The following CASZ1 variants were observed in gnomAD, a reference collection of about 807,000 sequenced individuals.
CASZ1 encodes the protein castor zinc finger 1, also known as zinc finger protein castor homolog 1.
CASZ1 carries 28 observed loss-of-function variants against 135.2 expected under a neutral mutation model. That is an observed-to-expected ratio of 0.21 (90% CI 0.15 to 0.28). The LOEUF (loss-of-function observed/expected upper bound fraction) is 0.28. CASZ1 is among the 10% of genes least tolerant of loss of function. The probability of loss-of-function intolerance (pLI) is 1.00; values close to 1 mark genes in which losing one functional copy is unlikely to be tolerated. For synonymous variants in CASZ1, 1,068 were observed against 1,073.4 expected (o/e 0.99, Z 0.10); for missense variants, 2,161 against 2,453.3 (o/e 0.88, Z 2.52).
chr1:10,651,093 G>T lies in CASZ1; in HGVS notation c.2681-17C>A. The T allele has an allele frequency of 6.7e-7, 1 of 1,489,722 alleles. No homozygotes were observed. The highest frequency in any genetic ancestry group is 8.9e-7 in the Non-Finnish European group (1 of 1,129,756). 92.3% of individuals were successfully genotyped at this position (1,489,722 alleles called of 1,614,324 possible). On this transcript the variant is annotated splice_polypyrimidine_tract_variant and intron_variant, in intron 11 of 20. Coordinates refer to ENST00000377022, the MANE Select transcript of CASZ1 (RefSeq NM_001079843.3). ...GCCCGCTTCCTGCAGGGGAGGGGTGGGAAGATGCGTCAGAGGGGCTGAAGG... is the reference window on the plus strand; with the variant it reads ...GCCCGCTTCCTGCAGGGGAGGGGTGTGAAGATGCGTCAGAGGGGCTGAAGG...
chr1:10,747,774 T>C lies in CASZ1; in HGVS notation c.-77+12927A>G, dbSNP rs934861309. ...CTAGCTCCCCCTCCAGAATGAGCAA[T>C]CACTGGGAGAGGGTACACAGTACAC... is the stretch of plus-strand genomic sequence containing the variant. On this transcript the variant is annotated intron_variant, in intron 2 of 20. Transcript: ENST00000377022. The surrounding 1 kb of genome is among the most constrained non-coding windows in gnomAD (Gnocchi z 4.3). Among the ~76,000 whole-genome samples the C allele has an allele frequency of 6.6e-6, 1 of 150,938 alleles. No individual in the cohort carries two copies. Among genetic ancestry groups the C allele is most frequent in the Admixed American group, 6.6e-5 (1 of 15,184 alleles).
At chr1:10,769,810 C>T (rs1333830993) in intron 1 of CASZ1, among the ~76,000 whole-genome samples, 3 of 152,188 alleles carry the variant, frequency 2.0e-5, no homozygotes, top group South Asian at 2.1e-4. Flanking sequence ...AGCCGCCACA[C>T]CTGGCCAGAA....
In CASZ1 at chr1:10,727,006, T is replaced by C. The variant is rs762363794; in HGVS notation, c.-76-21462A>G. 3.4e-4 allele frequency among the ~76,000 whole-genome samples: 51 copies of C among 151,928 alleles called. No homozygotes were observed. Among genetic ancestry groups the C allele is most frequent in the Non-Finnish European group, 5.9e-5 (4 of 67,960 alleles). ...CGGAGGGGAGGGAGACCGGGAGAGG[T>C]GACTGGCAAGGTTTTCACTTTACCC... is the stretch of plus-strand genomic sequence containing the variant. On this transcript the variant is annotated intron_variant, in intron 2 of 20. Transcript: ENST00000377022. This position sits in a 1 kb window ranked among gnomAD's most constrained non-coding sequence, Gnocchi z 5.3.
intron 18 of CASZ1, among the ~76,000 whole-genome samples, chr1:10,644,701 G>A (rs992999638): frequency 2.0e-5 from 3 of 152,224 alleles, no homozygotes; most frequent in African/African-American, 7.2e-5. Flanking sequence ...GGTGCCCTGC[G>A]TGAGTCACCC....
At chr1:10,730,214 A>G (rs891819431) in intron 2 of CASZ1, among the ~76,000 whole-genome samples, 2 of 151,762 alleles carry the variant, frequency 1.3e-5, no homozygotes, top group African/African-American at 4.8e-5. Context: ...AGGTTCAAGC[A>G]ATTCTTCTGC....
Position 10,695,029 on chromosome 1 carries a change from C to T in CASZ1, c.-23-1117G>A, listed in dbSNP as rs1478591777. Among the ~76,000 whole-genome samples, 7 of 149,788 alleles carry T rather than the reference C, an allele frequency of 4.7e-5. 1 individual carries two copies. ...CGCGAGGGCGGGCGCAGGTGTGAGG[C>T]GCCGCGGGGCCGCGCCCGCCAGGCC... On this transcript the variant is annotated intron_variant, in intron 3 of 20. Coordinates refer to ENST00000377022, the MANE Select transcript of CASZ1 (RefSeq NM_001079843.3).
Position 10,665,445 on chromosome 1 carries a change from GCTC to G in CASZ1, c.140_142del (p.Arg47_Ala48delinsPro). On this transcript the variant is annotated inframe_deletion, in exon 5 of 21. Coordinates refer to ENST00000377022, the MANE Select transcript of CASZ1 (RefSeq NM_001079843.3). ...GCCCTCCGTGTGGGAGCCGGCGTCAGCTCGCTTCTCCACCACCACCTGGCGGCT... is the reference window on the plus strand; with the variant it reads ...GCCCTCCGTGTGGGAGCCGGCGTCAGGCTTCTCCACCACCACCTGGCGGCT... The G allele has an allele frequency of 6.2e-7, 1 of 1,610,796 alleles. No homozygotes were observed. Among genetic ancestry groups the G allele is most frequent in the Non-Finnish European group, 8.5e-7 (1 of 1,179,792 alleles).
chr1:10,650,852 C>A (rs573276817), intron 12 of CASZ1, 89 bp downstream of exon 12: 5 of 1,603,084 alleles, frequency 3.1e-6, no homozygotes, highest in Non-Finnish European at 4.3e-6. Context: ...CAGCCGAGCC[C>A]GCTGCAACTG....
In CASZ1 at chr1:10,756,539, C is replaced by A. The variant is rs1168140845; in HGVS notation, c.-77+4162G>T. ...GGCAGTGCCCAGGGCGGCATGGGGC[C>A]TGTCCAGGGGCGCTGGGGATCACTG... is the stretch of plus-strand genomic sequence containing the variant. On this transcript the variant is annotated intron_variant, in intron 2 of 20. Transcript: ENST00000377022. The surrounding 1 kb of genome is among the most constrained non-coding windows in gnomAD (Gnocchi z 5.9). Among the ~76,000 whole-genome samples, 2 of 152,244 alleles carry A rather than the reference C, an allele frequency of 1.3e-5. No individual in the cohort carries two copies. The highest frequency in any genetic ancestry group is 2.9e-5 in the Non-Finnish European group (2 of 68,038).
intron 2 of CASZ1, among the ~76,000 whole-genome samples, chr1:10,748,957 G>A (rs408828): frequency 6.6e-6 from 1 of 152,156 alleles, no homozygotes; most frequent in Non-Finnish European, 1.5e-5. Flanking sequence ...CCCCCAACTC[G>A]CTTCTGTCTT....
chr1:10,718,039 T>C (rs1013019911), intron 2 of CASZ1, among the ~76,000 whole-genome samples: 1 of 152,222 alleles, frequency 6.6e-6, no homozygotes, highest in Non-Finnish European at 1.5e-5. Context: ...CACACATCCC[T>C]GGGAGGTGGG....
In CASZ1 at chr1:10,701,894, C is replaced by T. The variant is rs187207517; in HGVS notation, c.-24+3598G>A. ...TTCCTGCCAGCCTGACAAGCCAGGC[C>T]TCAGTTTCTCCACCTCCCCCGGCCC... On this transcript the variant is annotated intron_variant, in intron 3 of 20. Transcript: ENST00000377022. The surrounding 1 kb of genome is among the most constrained non-coding windows in gnomAD (Gnocchi z 6.3). Among the ~76,000 whole-genome samples the T allele has an allele frequency of 7.0e-4, 106 of 152,282 alleles. 1 individual carries two copies. Among genetic ancestry groups the T allele is most frequent in the African/African-American group, 2.3e-3 (97 of 41,570 alleles).
At chr1:10,738,788 A>G (rs1639853235) in intron 2 of CASZ1, among the ~76,000 whole-genome samples, 1 of 152,180 alleles carries the variant, frequency 6.6e-6, no homozygotes, top group Non-Finnish European at 1.5e-5. Flanking sequence ...TCTCTCTTCC[A>G]CCATTTCAGT....
chr1:10,659,719 C>A lies in CASZ1; in HGVS notation c.1323G>T (p.Gly441=). ...TFSKTDSITT[G]TVSTVKNGLP... is the part of the protein sequence containing the mutation. ...CGCCTTACTTGACAGTGGAGACGGT[C>A]CCCGTGGTGATGGAGTCTGTTTTGG... is the stretch of plus-strand genomic sequence containing the variant. The change falls in exon 6 of 21, where the codon GGG becomes GGT. Residue 441 remains glycine, a synonymous_variant. Coordinates refer to ENST00000377022, the MANE Select transcript of CASZ1 (RefSeq NM_001079843.3). 6.2e-7 allele frequency: 1 copy of A among 1,613,804 alleles called. No homozygotes were observed. The highest frequency in any genetic ancestry group is 8.5e-7 in the Non-Finnish European group (1 of 1,179,754).
chr1:10,693,766 G>T, intron 4 of CASZ1, 108 bp downstream of exon 4: 2 of 740,212 alleles, frequency 2.7e-6, no homozygotes, highest in African/African-American at 1.8e-5. Context: ...GACCCTCCCG[G>T]CCCCCACCCG....
rs1223679348 is a variant in CASZ1, at chr1:10,735,923, C to T, written c.-77+24778G>A. 6.6e-6 allele frequency among the ~76,000 whole-genome samples: 1 copy of T among 152,152 alleles called. No homozygotes were observed. On this transcript the variant is annotated intron_variant, in intron 2 of 20. Coordinates refer to ENST00000377022, the MANE Select transcript of CASZ1 (RefSeq NM_001079843.3). The surrounding 1 kb of genome is among the most constrained non-coding windows in gnomAD (Gnocchi z 5.1). ...TTTTCAGCCAGCTCTGGTCAAGTAG[C>T]TGCCCTGCGGACACCACTCTCTCCT... is the stretch of plus-strand genomic sequence containing the variant.
At chr1:10,668,775 G>A (rs1643315270) in intron 4 of CASZ1, among the ~76,000 whole-genome samples, 1 of 152,268 alleles carries the variant, frequency 6.6e-6, no homozygotes, top group South Asian at 2.1e-4. Context: ...AGGCTGTTAG[G>A]TGAGAGAGGG....
intron 20 of CASZ1, among the ~76,000 whole-genome samples, chr1:10,641,458 T>G (rs1046076319): frequency 1.4e-4 from 21 of 151,578 alleles, no homozygotes; most frequent in South Asian, 6.3e-4. Context: ...GCAGATGCCA[T>G]CCCGGTGGGT....
rs1412420306 is a variant in CASZ1 at position 10,660,455 on chromosome 1, G to T, written c.587C>A (p.Thr196Lys). The T allele has an allele frequency of 6.2e-7, 1 of 1,614,154 alleles. No individual in the cohort carries two copies. Among genetic ancestry groups the T allele is most frequent in the South Asian group, 1.1e-5 (1 of 91,086 alleles). ...GATCTTCCTGGCCAGCTCGTCCCGC[G>T]TGTTCTGGTCATCATAGCCAAACAT... ...LGMFGYDDQN[T>K]RDELARKISF... Residue 196 changes from threonine (T) to lysine (K), a missense_variant, in exon 6 of 21, where the codon ACG becomes AAG. By Grantham distance (78) the Thr-to-Lys change is moderately conservative. Around this residue, in one of 7 missense-constraint regions of CASZ1, gnomAD observed 590 missense variants for 609.8 expected, o/e 0.97. Transcript: ENST00000377022.
Sources: gnomAD v4.1 joint callset for allele counts (sites outside exome capture counted in the v4.1 genomes callset) on GRCh38, gnomAD v4.1.1 for gene constraint, gnomAD v4.1.1 regional missense constraint, Gnocchi (gnomAD v3.1) non-coding constraint, MANE v1.5 for transcripts, NCBI Gene and HGNC (gene_info 2026-07-23, HGNC 2026-07-21) for gene names.